The following DPYSL3 variants were observed in gnomAD, a reference collection of about 807,000 sequenced individuals.
DPYSL3 encodes dihydropyrimidinase like 3.
In DPYSL3, 16 loss-of-function variants were observed where a neutral mutation model predicts 66.1. That is an observed-to-expected ratio of 0.24 (90% CI 0.16 to 0.37). The LOEUF is 0.37. Among genes scored for constraint, DPYSL3 ranks in the 10% least tolerant of loss-of-function variants. The probability of loss-of-function intolerance (pLI) is 1.00; values close to 1 mark genes in which losing one functional copy is unlikely to be tolerated. For synonymous variants in DPYSL3, 338 were observed against 345.1 expected (o/e 0.98, Z 0.23); for missense variants, 738 against 916.2 (o/e 0.81, Z 2.51).
In DPYSL3 at chr5:147,392,289, T is replaced by C. The variant is rs535017942; in HGVS notation, c.*1746A>G. The C allele has an allele frequency of 2.6e-5, 4 of 152,356 alleles. No individual in the cohort carries two copies. In the East Asian group the frequency reaches 7.7e-4, roughly 29 times the overall value. The allele number at this position is 152,356 out of a possible 1,614,324, so 9.4% of individuals were successfully genotyped here. A position where few individuals can be genotyped will look rare whatever the true frequency, so the allele number is the denominator to read the frequency against. Reference sequence around the variant, plus strand: ...CCTATTCTAAGGGGAAATAGTCTTTTTTCATGATTTGAACAGAAGGTAGCT... The same window carrying C: ...CCTATTCTAAGGGGAAATAGTCTTTCTTCATGATTTGAACAGAAGGTAGCT... On this transcript the variant is annotated 3_prime_UTR_variant, in exon 14 of 14. Coordinates refer to ENST00000343218, the MANE Select transcript of DPYSL3 (RefSeq NM_001197294.2).
At chr5:147,490,293 T>G (rs1222828776) in intron 1 of DPYSL3, among the ~76,000 whole-genome samples, 1 of 152,216 alleles carries the variant, frequency 6.6e-6, no homozygotes, top group East Asian at 1.9e-4. Context: ...AATTTTCCAT[T>G]GATAATGAAA....
Position 147,418,517 on chromosome 5 carries a change from C to A in DPYSL3, c.585G>T (p.Lys195Asn). The A allele has an allele frequency of 1.2e-6, 2 of 1,613,650 alleles. No individual in the cohort carries two copies. Among genetic ancestry groups the A allele is most frequent in the Non-Finnish European group, 1.7e-6 (2 of 1,179,826 alleles). The change falls in exon 3 of 14, where the codon AAG becomes AAT. Residue 195 changes from lysine to asparagine, a missense_variant. Lys to Asn is a moderately conservative substitution (Grantham distance 94). Coordinates refer to ENST00000343218, the MANE Select transcript of DPYSL3 (RefSeq NM_001197294.2). ...AGAAGTCATCTACTGTGGTCATTCC[C>A]TTATATGGCATCTGGAAGTGAGTAT... ...DVHTHFQMPYKGMTTVDDFFQ... is the reference protein window; with the variant it reads ...DVHTHFQMPYNGMTTVDDFFQ...
chr5:147,395,630 G>A lies in DPYSL3; in HGVS notation c.1895C>T (p.Ser632Phe). Residue 632 changes from serine to phenylalanine, a missense_variant, in exon 13 of 14, where the codon TCT (serine) becomes TTT (phenylalanine). By Grantham distance (155) the Ser-to-Phe change is radical (BLOSUM62 -2). Transcript: ENST00000343218. ...TTPKGGTPAGSARGSPTRPNP... is the reference protein window; with the variant it reads ...TTPKGGTPAGFARGSPTRPNP... ...CGGCCGAGTAGGAGAGCCCCGAGCA[G>A]AGCCTGCGGGGGTGCCACCTTTGGG... 4 of 1,614,130 alleles carry A rather than the reference G, an allele frequency of 2.5e-6. No individual in the cohort carries two copies. The highest frequency in any genetic ancestry group is 3.4e-6 in the Non-Finnish European group (4 of 1,180,046).
At chr5:147,497,149 G>A (rs112284483) in intron 1 of DPYSL3, among the ~76,000 whole-genome samples, 34,785 of 149,044 alleles carry the variant, frequency 0.23, 4,375 homozygotes, top group African/African-American at 0.28. Context: ...CTATCACAAG[G>A]ACAAAAAACC....
chr5:147,489,229 GC>G (rs1229825769), intron 1 of DPYSL3, among the ~76,000 whole-genome samples: 1 of 151,956 alleles, frequency 6.6e-6, no homozygotes, highest in Non-Finnish European at 1.5e-5. Context: ...GATTCTGTGA[GC>G]CCCATGTTCT....
chr5:147,462,816 A>G (rs533788050), intron 1 of DPYSL3, among the ~76,000 whole-genome samples: 45 of 152,256 alleles, frequency 3.0e-4, no homozygotes, highest in South Asian at 2.9e-3. Context: ...AAAAAAAGCC[A>G]CGTGGAGGTC....
chr5:147,441,145 A>G (rs79238510), intron 1 of DPYSL3, among the ~76,000 whole-genome samples: 3,825 of 152,142 alleles, frequency 0.025, 155 homozygotes, highest in African/African-American at 0.083. Context: ...TTAAGTTTTT[A>G]ATTTTTTCAT....
chr5:147,407,370 G>A (rs115762584), intron 7 of DPYSL3, among the ~76,000 whole-genome samples: 2,988 of 152,156 alleles, frequency 0.02, 98 homozygotes, highest in African/African-American at 0.068. Context: ...AGGGTGGGGT[G>A]GTAAGGCTAA....
At chr5:147,421,907 T>C (rs560845712) in intron 2 of DPYSL3, among the ~76,000 whole-genome samples, 3 of 152,224 alleles carry the variant, frequency 2.0e-5, no homozygotes, top group South Asian at 2.1e-4. Flanking sequence ...ATAAAAACCC[T>C]AGAAGAAAAC....
At chr5:147,407,841 G>A (rs567486153) in intron 7 of DPYSL3, among the ~76,000 whole-genome samples, 29 of 152,202 alleles carry the variant, frequency 1.9e-4, no homozygotes, top group African/African-American at 6.5e-4. Flanking sequence ...CTGATAATCT[G>A]TTTCCTTCTA....
At chr5:147,428,367 C>T (rs1043173492) in intron 1 of DPYSL3, among the ~76,000 whole-genome samples, 12 of 152,104 alleles carry the variant, frequency 7.9e-5, no homozygotes, top group African/African-American at 2.4e-4. Flanking sequence ...CCCTGCTATC[C>T]TCCCCAATTT....
chr5:147,418,041 C>T (rs905471003), intron 3 of DPYSL3, among the ~76,000 whole-genome samples: 51 of 152,220 alleles, frequency 3.4e-4, no homozygotes, highest in African/African-American at 1.2e-3. Context: ...CGTGATACTC[C>T]TTAGCTCCAT....
rs1259317476 is a variant in DPYSL3, at chr5:147,413,445, T to G, written c.882+151A>C. On this transcript the variant is annotated intron_variant, in intron 5 of 13. Coordinates refer to ENST00000343218, the MANE Select transcript of DPYSL3 (RefSeq NM_001197294.2). ...ACCCTGCCTGTTACCTTATTTAAAA[T>G]GTAGCGTGGACTGCAAAGGCTTCAA... 5 of 613,870 alleles carry G rather than the reference T, an allele frequency of 8.1e-6. No individual in the cohort carries two copies. In the East Asian group the frequency reaches 1.4e-4, roughly 17 times the overall value. 38.0% of individuals were successfully genotyped at this position (613,870 alleles called of 1,614,324 possible).
chr5:147,445,791 C>T (rs1000045998), intron 1 of DPYSL3, among the ~76,000 whole-genome samples: 1 of 151,910 alleles, frequency 6.6e-6, no homozygotes. Context: ...ATGCCCTTAT[C>T]AATAGTAGCC....
intron 1 of DPYSL3, among the ~76,000 whole-genome samples, chr5:147,500,569 G>T (rs562964867): frequency 8.2e-5 from 12 of 147,150 alleles, no homozygotes; most frequent in Non-Finnish European, 1.8e-4. Flanking sequence ...AGCCGAGGTG[G>T]CACCACTACA....
intron 13 of DPYSL3, 38 bp downstream of exon 13, chr5:147,395,521 C>G: frequency 1.3e-6 from 2 of 1,578,936 alleles, no homozygotes; most frequent in South Asian, 2.3e-5. Flanking sequence ...CTTCCCCTTC[C>G]CCCTTCTCTT....
chr5:147,507,142 A>G (rs1753693450), intron 1 of DPYSL3, among the ~76,000 whole-genome samples: 2 of 152,132 alleles, frequency 1.3e-5, no homozygotes, highest in Admixed American at 1.3e-4. Context: ...ATATGTTGTT[A>G]TGTTTTTTAT....
chr5:147,478,527 G>T (rs1753194441), intron 1 of DPYSL3, among the ~76,000 whole-genome samples: 1 of 152,170 alleles, frequency 6.6e-6, no homozygotes, highest in African/African-American at 2.4e-5. Context: ...GTATGACCCT[G>T]TGTAATTTGG....
At chr5:147,412,581 A>C in intron 6 of DPYSL3, 27 bp downstream of exon 6, 1 of 1,602,168 alleles carries the variant, frequency 6.2e-7, no homozygotes, top group Non-Finnish European at 8.5e-7. Flanking sequence ...GACCCAAAGC[A>C]CGCTCCAGGG....
Sources: allele counts gnomAD v4.1 joint callset (sites outside exome capture counted in the v4.1 genomes callset), GRCh38; gene constraint gnomAD v4.1.1; transcripts MANE v1.5; gene names NCBI Gene and HGNC (gene_info 2026-07-23, HGNC 2026-07-21).